HSD17B12: variants seen among roughly 807,000 people sequenced by gnomAD.
HSD17B12 encodes the protein very-long-chain 3-oxoacyl-CoA reductase.
Under a neutral mutation model 39.3 loss-of-function variants are expected in HSD17B12, and 32 were observed. The observed-to-expected ratio is 0.81, with a 90% CI of 0.61 to 1.09. The LOEUF (loss-of-function observed/expected upper bound fraction) is 1.09, where lower values mean the gene tolerates loss of function less well. Among genes scored for constraint, HSD17B12 ranks in the 50% least tolerant of loss-of-function variants. The probability of loss-of-function intolerance (pLI) is 0.00; values close to 1 mark genes in which losing one functional copy is unlikely to be tolerated. For synonymous variants in HSD17B12, 150 were observed against 146.7 expected (o/e 1.02, Z -0.16); for missense variants, 342 against 382.9 (o/e 0.89, Z 0.89).
At chr11:43,810,313 T>C (rs534249082) in intron 4 of HSD17B12, among the ~76,000 whole-genome samples, 2 of 149,274 alleles carry the variant, frequency 1.3e-5, no homozygotes, top group East Asian at 4.3e-4. Context: ...GTAAATATTC[T>C]TTTTTTAAGA....
At chr11:43,796,055 G>A (rs925362758) in intron 3 of HSD17B12, among the ~76,000 whole-genome samples, 5 of 152,100 alleles carry the variant, frequency 3.3e-5, no homozygotes, top group African/African-American at 9.7e-5. Flanking sequence ...CCGAGTGTAC[G>A]TGGACAACAT....
intron 6 of HSD17B12, among the ~76,000 whole-genome samples, chr11:43,828,174 G>A (rs1270995326): frequency 7.3e-6 from 1 of 137,264 alleles, no homozygotes; most frequent in East Asian, 2.1e-4. Context: ...ACGGAGTCTC[G>A]CTCTGTCGCC....
chr11:43,675,014 T>G, the HSD17B12 span, among the ~76,000 whole-genome samples: 1 of 152,248 alleles, frequency 6.6e-6, no homozygotes, highest in African/African-American at 2.4e-5. Flanking sequence ...ACAATCTATT[T>G]TCATTTATTC....
the HSD17B12 span, among the ~76,000 whole-genome samples, chr11:43,577,154 T>C: frequency 6.6e-6 from 1 of 152,218 alleles, no homozygotes; most frequent in Non-Finnish European, 1.5e-5. Flanking sequence ...ACTCGGTTGC[T>C]GTCCACGGAA....
intron 1 of HSD17B12, among the ~76,000 whole-genome samples, chr11:43,725,202 ATTT>A (rs1302754216): frequency 6.6e-6 from 1 of 152,176 alleles, no homozygotes; most frequent in East Asian, 1.9e-4. Flanking sequence ...TGTGCCAGTC[ATTT>A]CCTAGTTTTG....
chr11:43,643,176 C>T, the HSD17B12 span, among the ~76,000 whole-genome samples: 1 of 152,016 alleles, frequency 6.6e-6, no homozygotes, highest in East Asian at 1.9e-4. Context: ...TTAGTGTATG[C>T]ATCAAATACT....
chr11:43,598,280 TTAA>T, the HSD17B12 span, among the ~76,000 whole-genome samples: 1 of 152,196 alleles, frequency 6.6e-6, no homozygotes, highest in Non-Finnish European at 1.5e-5. Flanking sequence ...CCTGCACCCG[TTAA>T]GTGTCTGTTT....
the HSD17B12 span, chr11:43,576,625 T>C: frequency 6.6e-6 from 1 of 152,250 alleles, no homozygotes; most frequent in Non-Finnish European, 1.5e-5. Context: ...AGTAATATTA[T>C]GTCATGTGCA....
chr11:43,709,930 G>A (rs1950049584), intron 1 of HSD17B12, among the ~76,000 whole-genome samples: 1 of 152,150 alleles, frequency 6.6e-6, no homozygotes, highest in South Asian at 2.1e-4. Flanking sequence ...TCAGAACATG[G>A]GCTGGTATGT....
chr11:43,688,793 T>A (rs538539285), intron 1 of HSD17B12, among the ~76,000 whole-genome samples: 2 of 152,322 alleles, frequency 1.3e-5, no homozygotes, highest in South Asian at 2.1e-4. Flanking sequence ...GCAAAAATAG[T>A]TAACCTCTGA....
chr11:43,623,660 A>C, the HSD17B12 span, among the ~76,000 whole-genome samples: 1 of 152,082 alleles, frequency 6.6e-6, no homozygotes, highest in African/African-American at 2.4e-5. Flanking sequence ...AGGGGGTAAA[A>C]CGCTTTTATT....
intron 1 of HSD17B12, among the ~76,000 whole-genome samples, chr11:43,714,198 C>A (rs1368322917): frequency 6.6e-6 from 1 of 152,194 alleles, no homozygotes; most frequent in East Asian, 1.9e-4. Flanking sequence ...AGTCCTTGCC[C>A]ATGCCTATGT....
chr11:43,561,833 G>C, the HSD17B12 span, among the ~76,000 whole-genome samples: 1 of 152,174 alleles, frequency 6.6e-6, no homozygotes, highest in Non-Finnish European at 1.5e-5. Flanking sequence ...TGGACTGGAA[G>C]ACCAATCAAT....
chr11:43,658,806 G>T, the HSD17B12 span, among the ~76,000 whole-genome samples: 4 of 152,192 alleles, frequency 2.6e-5, no homozygotes, highest in African/African-American at 9.7e-5. Flanking sequence ...CGCCCCTACT[G>T]GGGGGTGCCT....
chr11:43,622,782 T>A, the HSD17B12 span, among the ~76,000 whole-genome samples: 1 of 152,046 alleles, frequency 6.6e-6, no homozygotes. Context: ...GGAATCAACA[T>A]GTGAGAAATG....
the HSD17B12 span, among the ~76,000 whole-genome samples, chr11:43,577,970 T>C: frequency 2.0e-5 from 3 of 152,200 alleles, no homozygotes; most frequent in African/African-American, 7.2e-5. Flanking sequence ...CCAGACACTT[T>C]GGCCGAATCT....
the HSD17B12 span, among the ~76,000 whole-genome samples, chr11:43,615,659 AT>A: frequency 1.3e-4 from 20 of 152,190 alleles, no homozygotes; most frequent in African/African-American, 4.6e-4. Flanking sequence ...CAGGGGTCAC[AT>A]TTTTTCCCCC....
intron 1 of HSD17B12, among the ~76,000 whole-genome samples, chr11:43,745,770 GC>G (rs1437299636): frequency 6.6e-6 from 1 of 152,140 alleles, no homozygotes; most frequent in Non-Finnish European, 1.5e-5. Context: ...GGTGTCTTAT[GC>G]CTGTAATCCC....
At chr11:43,648,590 C>A in the HSD17B12 span, among the ~76,000 whole-genome samples, 2 of 152,242 alleles carry the variant, frequency 1.3e-5, no homozygotes, top group South Asian at 4.1e-4. Flanking sequence ...AAGGAGAAAT[C>A]CTTGAATTCA....
Sources: allele counts gnomAD v4.1 joint callset (sites outside exome capture counted in the v4.1 genomes callset), GRCh38; gene constraint gnomAD v4.1.1; transcripts MANE v1.5; gene names NCBI Gene and HGNC (gene_info 2026-07-23, HGNC 2026-07-21).